B3GAT2: variants seen among roughly 807,000 people sequenced by gnomAD.
B3GAT2 encodes the protein galactosylgalactosylxylosylprotein 3-beta-glucuronosyltransferase 2.
In B3GAT2, 26 loss-of-function variants were observed where a neutral mutation model predicts 27.8. The observed-to-expected ratio is 0.93, with a 90% confidence interval of 0.68 to 1.30. The LOEUF (loss-of-function observed/expected upper bound fraction) is 1.30, where lower values mean the gene tolerates loss of function less well. Among genes scored for constraint, B3GAT2 ranks in the 50% most tolerant of loss-of-function variants. The pLI is 0.00. For missense variants in B3GAT2, 458 were observed against 459.0 expected (o/e 1.00, Z 0.02); for synonymous variants, 218 against 195.1 (o/e 1.12, Z -0.98).
chr6:70,908,072 C>T (rs1309104656), intron 1 of B3GAT2, among the ~76,000 whole-genome samples: 1 of 152,122 alleles, frequency 6.6e-6, no homozygotes, highest in African/African-American at 2.4e-5. Flanking sequence ...ATCTCCCTGG[C>T]ATGTAGCTAT....
chr6:70,891,085 T>A (rs1772280798), intron 2 of B3GAT2, among the ~76,000 whole-genome samples: 1 of 152,196 alleles, frequency 6.6e-6, no homozygotes, highest in Admixed American at 6.5e-5. Context: ...ACTGCCTCCC[T>A]TCAAAACAGA....
At position 70,861,680 on chromosome 6, in the gene B3GAT2, C is replaced by T. The variant is rs150481412; in HGVS notation, c.955G>A (p.Val319Met). Residue 319 changes from valine to methionine, a missense_variant, in exon 4 of 4, where the codon GTG becomes ATG. Val to Met is a conservative substitution (Grantham distance 21). Transcript: ENST00000230053. ...GCTTCAATTTATACCTCAATTTTCA[C>T]TGTGTCCAGGTGGTACTTTGGCTCG... ...ANEPKYHLDT[V>M]KIEV 7.3e-4 allele frequency: 1,171 copies of T among 1,613,720 alleles called. 17 individuals are homozygous for T. In the South Asian group the frequency reaches 0.012, roughly 16 times the overall value.
At chr6:70,944,090 G>C (rs1765436438) in intron 1 of B3GAT2, among the ~76,000 whole-genome samples, 1 of 152,124 alleles carries the variant, frequency 6.6e-6, no homozygotes, top group East Asian at 1.9e-4. Flanking sequence ...ATTTTGAGCT[G>C]GCAGCCACGA....
chr6:70,956,382 G>A lies in B3GAT2; in HGVS notation c.48C>T (p.Ile16=). 2 of 1,556,138 alleles carry A rather than the reference G, an allele frequency of 1.3e-6. No homozygotes were observed. Among genetic ancestry groups the A allele is most frequent in the Non-Finnish European group, 1.7e-6 (2 of 1,149,378 alleles). The part of the protein sequence containing the change: ...FTRFFILLPW[I]LIVIIMLDVD... ...CGTCGAGCATGATGATGACAATTAG[G>A]ATCCAGGGCAGGAGGATAAAGAAGC... Residue 16 remains isoleucine, a synonymous_variant, in exon 1 of 4, where the codon ATC becomes ATT. Coordinates refer to ENST00000230053, the MANE Select transcript of B3GAT2 (RefSeq NM_080742.3).
chr6:70,881,184 G>C (rs539752913), intron 2 of B3GAT2, among the ~76,000 whole-genome samples: 24 of 152,192 alleles, frequency 1.6e-4, no homozygotes, highest in African/African-American at 5.5e-4. Context: ...TTAGAGCCTC[G>C]ATGCTGTCAC....
chr6:70,877,345 A>T (rs1414184444), intron 2 of B3GAT2, among the ~76,000 whole-genome samples: 1 of 152,184 alleles, frequency 6.6e-6, no homozygotes, highest in African/African-American at 2.4e-5. Context: ...AAGACACAAA[A>T]GAGAAGGAGC....
chr6:70,956,695 G>A lies in B3GAT2; in HGVS notation c.-266C>T, dbSNP rs889000226. 7.3e-7 allele frequency: 1 copy of A among 1,373,558 alleles called. No homozygotes were observed. The highest frequency in any genetic ancestry group is 9.4e-7 in the Non-Finnish European group (1 of 1,065,928). 85.1% of individuals were successfully genotyped at this position (1,373,558 alleles called of 1,614,324 possible). ...GACTCCAGGTGAGCTGGCGGGAAGC[G>A]GGACTCGGTCCAGCCGCGCGCCGCC... On this transcript the variant is annotated 5_prime_UTR_variant, in exon 1 of 4. Transcript: ENST00000230053.
At chr6:70,895,571 T>C (rs1263296231) in intron 1 of B3GAT2, among the ~76,000 whole-genome samples, 1 of 146,172 alleles carries the variant, frequency 6.8e-6, no homozygotes, top group Non-Finnish European at 1.5e-5. Context: ...AGTGGTGTGA[T>C]CTTGGCTCAC....
chr6:70,877,582 C>A (rs1289466936), intron 2 of B3GAT2, among the ~76,000 whole-genome samples: 2 of 152,168 alleles, frequency 1.3e-5, no homozygotes, highest in African/African-American at 2.4e-5. Flanking sequence ...TTTCTGCATG[C>A]AAAATCCTGT....
chr6:70,879,085 C>T (rs1217335635), intron 2 of B3GAT2, among the ~76,000 whole-genome samples: 1 of 152,152 alleles, frequency 6.6e-6, no homozygotes, highest in African/African-American at 2.4e-5. Flanking sequence ...TTAAAATTGC[C>T]ACTTTTGTTG....
chr6:70,868,263 C>G (rs935871095), intron 2 of B3GAT2, among the ~76,000 whole-genome samples: 1 of 152,202 alleles, frequency 6.6e-6, no homozygotes, highest in Non-Finnish European at 1.5e-5. Flanking sequence ...GCAAGGATGG[C>G]TGCTCTTGAC....
chr6:70,929,216 G>A (rs1773018344), intron 1 of B3GAT2, among the ~76,000 whole-genome samples: 1 of 151,894 alleles, frequency 6.6e-6, no homozygotes, highest in Non-Finnish European at 1.5e-5. Flanking sequence ...GGAGAGGGGG[G>A]AGGGATAGCA....
intron 2 of B3GAT2, among the ~76,000 whole-genome samples, chr6:70,884,461 C>T (rs1772150388): frequency 1.3e-5 from 2 of 152,202 alleles, no homozygotes; most frequent in South Asian, 4.1e-4. Flanking sequence ...AGACTGTGCC[C>T]GGCCTGGAGA....
rs759028558 is a variant in B3GAT2 at position 70,858,100 on chromosome 6, A to C, written c.*3563T>G. The C allele has an allele frequency of 9.9e-6, 16 of 1,613,964 alleles. No homozygotes were observed. The highest frequency in any genetic ancestry group is 1.4e-5 in the Non-Finnish European group (16 of 1,180,016). On this transcript the variant is annotated 3_prime_UTR_variant, in exon 4 of 4. Transcript: ENST00000230053. ...TGCCCAATGGGTTTATGGGAAATGCACAAACTGGTGTGATGCCACTTCCTC... is the reference window on the plus strand; with the variant it reads ...TGCCCAATGGGTTTATGGGAAATGCCCAAACTGGTGTGATGCCACTTCCTC...
intron 1 of B3GAT2, among the ~76,000 whole-genome samples, chr6:70,943,577 G>A (rs769343571): frequency 1.8e-4 from 27 of 152,164 alleles, no homozygotes; most frequent in Non-Finnish European, 3.2e-4. Context: ...AGTTGTTGAT[G>A]TATACATAGC....
chr6:70,865,824 T>G (rs1443936083), intron 2 of B3GAT2, among the ~76,000 whole-genome samples: 1 of 152,090 alleles, frequency 6.6e-6, no homozygotes, highest in Non-Finnish European at 1.5e-5. Context: ...TTCCAGACAT[T>G]GGAAAAGAGG....
chr6:70,873,380 T>A (rs1771967223), intron 2 of B3GAT2, among the ~76,000 whole-genome samples: 1 of 143,264 alleles, frequency 7.0e-6, no homozygotes, highest in Admixed American at 6.9e-5. Context: ...GAATCTGTCA[T>A]CCCACTGCCT....
chr6:70,938,988 G>A (rs1026425912), intron 1 of B3GAT2, among the ~76,000 whole-genome samples: 85 of 151,790 alleles, frequency 5.6e-4, no homozygotes, highest in African/African-American at 1.6e-3. Flanking sequence ...GAAAATATTC[G>A]CAACCTACTC....
rs1438285506 is a variant in B3GAT2 at position 70,859,924 on chromosome 6, T to C, written c.*1739A>G. 3.5e-6 allele frequency: 1 copy of C among 284,778 alleles called. No homozygotes were observed. The highest frequency in any genetic ancestry group is 2.2e-5 in the African/African-American group (1 of 45,702). 17.6% of individuals were successfully genotyped at this position (284,778 alleles called of 1,614,324 possible). On this transcript the variant is annotated 3_prime_UTR_variant, in exon 4 of 4. Coordinates refer to ENST00000230053, the MANE Select transcript of B3GAT2 (RefSeq NM_080742.3). ...ATATCCTAGTGTAGGTGAAAGTTAG[T>C]TAGAGTAGCGGACTCATTAAAATCC...
Sources: gnomAD v4.1 joint callset for allele counts (sites outside exome capture counted in the v4.1 genomes callset) on GRCh38, gnomAD v4.1.1 for gene constraint, MANE v1.5 for transcripts, NCBI Gene and HGNC (gene_info 2026-07-23, HGNC 2026-07-21) for gene names.